Variants in SV2C observed in about 807,000 individuals in gnomAD.
SV2C encodes synaptic vesicle glycoprotein 2C.
Under a neutral mutation model 79.7 loss-of-function variants are expected in SV2C, and 49 were observed. The observed-to-expected ratio is 0.61, with a 90% CI of 0.49 to 0.78. The LOEUF (loss-of-function observed/expected upper bound fraction) is 0.78. SV2C is among the 30% of genes least tolerant of loss of function. The pLI, the probability that SV2C is intolerant of heterozygous loss-of-function variation, is 0.00. For missense variants in SV2C, 833 were observed against 912.9 expected (o/e 0.91, Z 1.13); for synonymous variants, 334 against 333.2 (o/e 1.00, Z -0.03).
intron 1 of SV2C, among the ~76,000 whole-genome samples, chr5:76,085,943 A>G (rs1199070955): frequency 6.6e-6 from 1 of 152,124 alleles, no homozygotes; most frequent in African/African-American, 2.4e-5. Flanking sequence ...GCAAATGCAG[A>G]CAGCAGACTT....
the SV2C span, among the ~76,000 whole-genome samples, chr5:76,001,329 G>A: frequency 7.9e-5 from 12 of 152,152 alleles, no homozygotes; most frequent in Non-Finnish European, 1.6e-4. Context: ...CGCCAGGCGC[G>A]GTGGCTCATG....
At chr5:75,976,226 C>T in the SV2C span, among the ~76,000 whole-genome samples, 1 of 152,174 alleles carries the variant, frequency 6.6e-6, no homozygotes, top group South Asian at 2.1e-4. Context: ...TGCTCATTTT[C>T]TCTAATATCA....
At chr5:75,910,091 A>G in the SV2C span, among the ~76,000 whole-genome samples, 24 of 152,164 alleles carry the variant, frequency 1.6e-4, no homozygotes, top group African/African-American at 5.6e-4. Context: ...ATCAGTGCAC[A>G]CAGTAGGCTC....
At chr5:75,973,336 T>TA in the SV2C span, among the ~76,000 whole-genome samples, 11 of 150,196 alleles carry the variant, frequency 7.3e-5, no homozygotes, top group South Asian at 2.1e-4. Flanking sequence ...AATAATAAAA[T>TA]AAAAAAAAAT....
chr5:76,242,996 A>G (rs1013336629), intron 4 of SV2C, among the ~76,000 whole-genome samples: 3 of 146,666 alleles, frequency 2.0e-5, no homozygotes, highest in African/African-American at 7.7e-5. Flanking sequence ...CCTGTGCAAC[A>G]GATCGAGACC....
chr5:76,013,870 A>ACTCT, the SV2C span, among the ~76,000 whole-genome samples: 1 of 152,174 alleles, frequency 6.6e-6, no homozygotes, highest in Non-Finnish European at 1.5e-5. Flanking sequence ...AGGCTCTGCG[A>ACTCT]GAAACAAAGT....
chr5:76,336,126 C>T (rs1187152341), downstream of SV2C, among the ~76,000 whole-genome samples: 1 of 119,164 alleles, frequency 8.4e-6, no homozygotes, highest in African/African-American at 2.8e-5. Context: ...CCCTCCCGGA[C>T]GGGGCGGCTG....
At chr5:75,940,692 A>G in the SV2C span, among the ~76,000 whole-genome samples, 2 of 152,212 alleles carry the variant, frequency 1.3e-5, no homozygotes, top group African/African-American at 4.8e-5. Flanking sequence ...ATGAAAGAGA[A>G]TTAGGGGAAA....
At chr5:76,153,313 A>G (rs1742614123) in intron 2 of SV2C, among the ~76,000 whole-genome samples, 1 of 152,052 alleles carries the variant, frequency 6.6e-6, no homozygotes, top group Non-Finnish European at 1.5e-5. Context: ...CCTTCCTGAT[A>G]TTGTACCTTC....
At chr5:76,198,796 T>C (rs1302882427) in intron 3 of SV2C, among the ~76,000 whole-genome samples, 3 of 152,174 alleles carry the variant, frequency 2.0e-5, no homozygotes, top group Admixed American at 6.5e-5. Flanking sequence ...AAAGTCTCTT[T>C]TTCTCCAATT....
the SV2C span, among the ~76,000 whole-genome samples, chr5:76,064,825 T>G: frequency 6.6e-6 from 1 of 152,176 alleles, no homozygotes; most frequent in Non-Finnish European, 1.5e-5. Flanking sequence ...CTGCTAATAT[T>G]TTTTCTATTG....
At chr5:76,321,076 G>A (rs531251696) in intron 12 of SV2C, among the ~76,000 whole-genome samples, 3 of 152,252 alleles carry the variant, frequency 2.0e-5, no homozygotes, top group African/African-American at 7.2e-5. Flanking sequence ...CTTTCCCATG[G>A]TGCAGAAAGG....
At chr5:75,899,526 A>C in the SV2C span, among the ~76,000 whole-genome samples, 1 of 152,100 alleles carries the variant, frequency 6.6e-6, no homozygotes, top group Non-Finnish European at 1.5e-5. Flanking sequence ...GTGGTGCTGA[A>C]AAAAATGTAT....
chr5:76,104,422 G>A (rs1214881439), intron 1 of SV2C, among the ~76,000 whole-genome samples: 1 of 152,202 alleles, frequency 6.6e-6, no homozygotes, highest in Non-Finnish European at 1.5e-5. Flanking sequence ...TGGCCAGGCT[G>A]GAATGCAGTG....
intron 4 of SV2C, among the ~76,000 whole-genome samples, chr5:76,213,368 C>G (rs1467365247): frequency 6.6e-6 from 1 of 152,176 alleles, no homozygotes; most frequent in Non-Finnish European, 1.5e-5. Context: ...ATATCTTGAG[C>G]TGGGTGGAGG....
At chr5:76,319,705 G>C (rs1748762602) in intron 12 of SV2C, among the ~76,000 whole-genome samples, 1 of 152,168 alleles carries the variant, frequency 6.6e-6, no homozygotes, top group African/African-American at 2.4e-5. Context: ...ATCTCAGGAA[G>C]TCATCCATTC....
At chr5:76,337,450 T>C (rs1174462270), downstream of SV2C, among the ~76,000 whole-genome samples, 1 of 152,224 alleles carries the variant, frequency 6.6e-6, no homozygotes, top group African/African-American at 2.4e-5. Context: ...GGGTTGGGAC[T>C]TCAACATACG....
At chr5:76,088,639 T>C (rs982609372) in intron 1 of SV2C, among the ~76,000 whole-genome samples, 2 of 152,208 alleles carry the variant, frequency 1.3e-5, no homozygotes, top group African/African-American at 4.8e-5. Context: ...TTCCAACATA[T>C]GAATTTGAGA....
At chr5:75,948,158 A>G in the SV2C span, among the ~76,000 whole-genome samples, 3 of 151,962 alleles carry the variant, frequency 2.0e-5, no homozygotes, top group Non-Finnish European at 2.9e-5. Flanking sequence ...TTATTTGTTT[A>G]TGTTTCTCCC....
Sources: allele counts gnomAD v4.1 joint callset (sites outside exome capture counted in the v4.1 genomes callset), GRCh38; gene constraint gnomAD v4.1.1; transcripts MANE v1.5; gene names NCBI Gene and HGNC (gene_info 2026-07-23, HGNC 2026-07-21).